Variants in ROBO2 observed in about 807,000 individuals in gnomAD.
ROBO2 encodes roundabout guidance receptor 2.
Under a neutral mutation model 160.8 loss-of-function variants are expected in ROBO2, and 53 were observed. The ratio of observed to expected loss-of-function variants is 0.33; its 90% CI spans 0.26 to 0.41. The LOEUF (loss-of-function observed/expected upper bound fraction) is 0.41. ROBO2 is among the 10% of genes least tolerant of loss of function. The pLI, the probability that ROBO2 is intolerant of heterozygous loss-of-function variation, is 1.00. For missense variants in ROBO2, 1,577 were observed against 1,722.4 expected, an observed-to-expected ratio of 0.92 and a Z score of 1.49; for synonymous variants, 664 against 611.7, an observed-to-expected ratio of 1.09 and a Z score of -1.26.
At chr3:76,245,790 T>A (rs1226957536) in intron 2 of ROBO2, among the ~76,000 whole-genome samples, 2 of 152,184 alleles carry the variant, frequency 1.3e-5, no homozygotes, top group Non-Finnish European at 2.9e-5. Flanking sequence ...TTTACTTTGC[T>A]CTGCTGAATG....
rs769192248 is a variant in ROBO2, at chr3:77,493,229, A to ATT, written c.668-6_668-5dup. The ATT allele has an allele frequency of 2.0e-6, 3 of 1,487,992 alleles. No homozygotes were observed. Among genetic ancestry groups the ATT allele is most frequent in the African/African-American group, 1.4e-5 (1 of 71,086 alleles). 92.2% of individuals were successfully genotyped at this position (1,487,992 alleles called of 1,614,324 possible). ...GTTTATCTCATTTTACCATTGTTTC[A>ATT]TTTTTTTTTTCAAGAACGACCCACA... is the stretch of plus-strand genomic sequence containing the variant. On this transcript the variant is annotated splice_polypyrimidine_tract_variant and intron_variant, in intron 4 of 25. Coordinates refer to ENST00000461745, the Ensembl canonical transcript of ROBO2.
chr3:76,145,032 T>A (rs1156621023), intron 2 of ROBO2, among the ~76,000 whole-genome samples: 1 of 152,014 alleles, frequency 6.6e-6, no homozygotes, highest in Admixed American at 6.6e-5. Context: ...CATTTATTTT[T>A]AAAATCAAAG....
chr3:76,193,163 T>C (rs1702094108), intron 2 of ROBO2, among the ~76,000 whole-genome samples: 1 of 152,168 alleles, frequency 6.6e-6, no homozygotes. Context: ...AAAATACTGG[T>C]TATCTGTAAG....
chr3:76,872,802 C>A (rs2072255587), intron 2 of ROBO2, among the ~76,000 whole-genome samples: 4 of 151,744 alleles, frequency 2.6e-5, no homozygotes, highest in Admixed American at 1.3e-4. Flanking sequence ...TTTATACACC[C>A]TTTCTTTTGT....
At chr3:77,291,627 T>A (rs28617217) in intron 2 of ROBO2, among the ~76,000 whole-genome samples, 26,847 of 137,822 alleles carry the variant, frequency 0.19, 7 homozygotes, top group Middle Eastern at 0.28. Context: ...GACGGTTAAA[T>A]GGGTAAGCTG....
chr3:75,910,154 AT>A (rs1946508686), intron 1 of ROBO2, among the ~76,000 whole-genome samples: 1 of 152,208 alleles, frequency 6.6e-6, no homozygotes, highest in Admixed American at 6.5e-5. Context: ...GAGTTTCTGT[AT>A]AACCCTGTAC....
rs1159308077 is a variant in ROBO2, at chr3:77,547,332, A to G, written c.1059+870A>G. On this transcript the variant is annotated intron_variant, in intron 7 of 25. Coordinates refer to ENST00000461745, the Ensembl canonical transcript of ROBO2. ...CCTTCTAAACTTTCTAGAAACATGC[A>G]CTACTAGGCATATTCTGAGGAAGAG... 2.0e-5 allele frequency among the ~76,000 whole-genome samples: 3 copies of G among 152,040 alleles called. No individual in the cohort carries two copies. In the East Asian group the frequency reaches 5.8e-4, roughly 29 times the overall value.
At chr3:77,185,949 G>A (rs1291445190) in intron 2 of ROBO2, among the ~76,000 whole-genome samples, 1 of 151,970 alleles carries the variant, frequency 6.6e-6, no homozygotes, top group Non-Finnish European at 1.5e-5. Flanking sequence ...GACATCGTAT[G>A]TTCTCACTCA....
chr3:77,332,803 T>C (rs772584128), intron 2 of ROBO2, among the ~76,000 whole-genome samples: 8 of 152,210 alleles, frequency 5.3e-5, no homozygotes, highest in African/African-American at 1.9e-4. Context: ...ACAAAATTAA[T>C]AGCCAGTATT....
At chr3:76,261,176 G>C in intron 2 of ROBO2, among the ~76,000 whole-genome samples, 1 of 111,506 alleles carries the variant, frequency 9.0e-6, no homozygotes, top group South Asian at 2.7e-4. Flanking sequence ...TTATGTGTGT[G>C]TGTGTGTGTG....
At chr3:76,294,315 G>GAGCTCCGGCCTATTCTC (rs1708959189) in intron 2 of ROBO2, among the ~76,000 whole-genome samples, 1 of 152,120 alleles carries the variant, frequency 6.6e-6, no homozygotes, top group Non-Finnish European at 1.5e-5. Context: ...AGAAGGGAAA[G>GAGCTCCGGCCTATTCTC]AGCTCCGGCC....
intron 2 of ROBO2, among the ~76,000 whole-genome samples, chr3:77,098,816 A>G (rs1002395192): frequency 1.6e-4 from 25 of 152,060 alleles, no homozygotes; most frequent in African/African-American, 6.0e-4. Flanking sequence ...AGATCGCGCC[A>G]CTGCACTCCA....
At chr3:76,714,518 A>G (rs1283559464) in intron 2 of ROBO2, among the ~76,000 whole-genome samples, 6 of 152,204 alleles carry the variant, frequency 3.9e-5, no homozygotes, top group Non-Finnish European at 5.9e-5. Flanking sequence ...AAAGGCATCA[A>G]TCAGAAAATA....
intron 2 of ROBO2, among the ~76,000 whole-genome samples, chr3:76,983,673 A>G (rs1031337689): frequency 2.6e-5 from 4 of 152,134 alleles, no homozygotes; most frequent in African/African-American, 7.2e-5. Flanking sequence ...AAAAACTTAC[A>G]AAGTACCTAT....
chr3:77,571,150 T>C (rs1380860204), intron 13 of ROBO2, among the ~76,000 whole-genome samples: 3 of 151,986 alleles, frequency 2.0e-5, no homozygotes, highest in Non-Finnish European at 4.4e-5. Flanking sequence ...TCCACAGAGA[T>C]TGAAAAGAGT....
chr3:75,982,526 A>G (rs1350667929), intron 2 of ROBO2, among the ~76,000 whole-genome samples: 1 of 151,600 alleles, frequency 6.6e-6, no homozygotes, highest in Non-Finnish European at 1.5e-5. Flanking sequence ...ATGATCAGTG[A>G]TGTTGAACAT....
At chr3:77,278,859 C>T (rs1003076128) in intron 2 of ROBO2, among the ~76,000 whole-genome samples, 1 of 152,044 alleles carries the variant, frequency 6.6e-6, no homozygotes, top group Non-Finnish European at 1.5e-5. Context: ...AAAAATATGA[C>T]TTAAATTCAA....
At chr3:76,477,354 C>T (rs1202724512) in intron 2 of ROBO2, among the ~76,000 whole-genome samples, 1 of 152,094 alleles carries the variant, frequency 6.6e-6, no homozygotes, top group Non-Finnish European at 1.5e-5. Context: ...AATTATAAAT[C>T]AGATGATTAT....
intron 2 of ROBO2, among the ~76,000 whole-genome samples, chr3:76,967,760 GTCTTGCAC>G (rs1231124558): frequency 6.6e-6 from 1 of 151,932 alleles, no homozygotes; most frequent in Non-Finnish European, 1.5e-5. Context: ...GCCCAGGCTG[GTCTTGCAC>G]TCCTGGCCTC....
Sources: allele counts gnomAD v4.1 joint callset (sites outside exome capture counted in the v4.1 genomes callset), GRCh38; gene constraint gnomAD v4.1.1; transcripts MANE v1.5; gene names NCBI Gene and HGNC (gene_info 2026-07-23, HGNC 2026-07-21).